ROBO2: variants seen among roughly 807,000 people sequenced by gnomAD.
ROBO2 encodes roundabout guidance receptor 2.
ROBO2 carries 53 observed loss-of-function variants against 160.8 expected under a neutral mutation model. That is an observed-to-expected ratio of 0.33 (90% confidence interval 0.26 to 0.41). ROBO2 has a LOEUF of 0.41. Among genes scored for constraint, ROBO2 ranks in the 10% least tolerant of loss-of-function variants. The pLI, the probability that ROBO2 is intolerant of heterozygous loss-of-function variation, is 1.00. For missense variants in ROBO2, 1,577 were observed against 1,722.4 expected, an observed-to-expected ratio of 0.92 and a Z score of 1.49; for synonymous variants, 664 against 611.7, an observed-to-expected ratio of 1.09 and a Z score of -1.26.
upstream of ROBO2, among the ~76,000 whole-genome samples, chr3:77,036,630 A>G (rs2149584657): frequency 6.6e-6 from 1 of 152,222 alleles, no homozygotes; most frequent in Admixed American, 6.5e-5. Flanking sequence ...ATATAGGCAC[A>G]TTTTGAATAT....
At chr3:76,934,697 A>G (rs1030513060) in intron 2 of ROBO2, among the ~76,000 whole-genome samples, 1 of 152,016 alleles carries the variant, frequency 6.6e-6, no homozygotes, top group African/African-American at 2.4e-5. Flanking sequence ...GCCGAGATAT[A>G]CCGCCACTGC....
intron 2 of ROBO2, among the ~76,000 whole-genome samples, chr3:75,964,583 A>G (rs903507713): frequency 2.0e-5 from 3 of 151,560 alleles, no homozygotes; most frequent in Non-Finnish European, 3.0e-5. Context: ...AATATTTTAT[A>G]TATTTTGTAT....
intron 2 of ROBO2, among the ~76,000 whole-genome samples, chr3:76,298,816 G>A (rs1161859106): frequency 1.3e-5 from 2 of 152,138 alleles, no homozygotes; most frequent in African/African-American, 2.4e-5. Flanking sequence ...GAAAGATTTA[G>A]TATCAAATTT....
intron 2 of ROBO2, among the ~76,000 whole-genome samples, chr3:76,947,650 CAT>C (rs1463827400): frequency 2.0e-5 from 3 of 151,290 alleles, no homozygotes; most frequent in Non-Finnish European, 4.4e-5. Flanking sequence ...CAATCGATGA[CAT>C]GTGACTGGTT....
At chr3:76,110,330 T>TAA (rs1381166625) in intron 2 of ROBO2, among the ~76,000 whole-genome samples, 2 of 152,014 alleles carry the variant, frequency 1.3e-5, no homozygotes, top group African/African-American at 2.4e-5. Context: ...TGGAGGCATA[T>TAA]AAAGTTAAGT....
At chr3:77,436,591 G>A (rs1224835463) in intron 2 of ROBO2, among the ~76,000 whole-genome samples, 1 of 151,794 alleles carries the variant, frequency 6.6e-6, no homozygotes, top group Non-Finnish European at 1.5e-5. Flanking sequence ...TGTCTGTGGG[G>A]ATTTTTGAAG....
In ROBO2 at chr3:77,491,078, T is replaced by C. The variant is rs527370443; in HGVS notation, c.668-2166T>C. 1.7e-3 allele frequency among the ~76,000 whole-genome samples: 264 copies of C among 152,308 alleles called. 2 individuals are homozygous for C. The highest frequency in any genetic ancestry group is 6.1e-3 in the African/African-American group (255 of 41,562). ...AGTCCTTGAGTGGTGAACAGGGCCT[T>C]CATGGTCTTATCACTCACTCTCTGT... is the stretch of plus-strand genomic sequence containing the variant. On this transcript the variant is annotated intron_variant, in intron 4 of 25. Transcript: ENST00000461745.
chr3:75,963,710 T>C (rs995376885), intron 2 of ROBO2, among the ~76,000 whole-genome samples: 3 of 151,664 alleles, frequency 2.0e-5, no homozygotes, highest in Non-Finnish European at 4.4e-5. Context: ...TTCTCACAGT[T>C]CTAGAGGCTG....
chr3:77,002,101 A>C, intron 2 of ROBO2, among the ~76,000 whole-genome samples: 1 of 152,072 alleles, frequency 6.6e-6, no homozygotes, highest in East Asian at 1.9e-4. Flanking sequence ...TTTTAAAATA[A>C]ATTTAACCTT....
At chr3:76,025,887 G>A (rs535293175) in intron 2 of ROBO2, among the ~76,000 whole-genome samples, 11 of 151,836 alleles carry the variant, frequency 7.2e-5, no homozygotes, top group African/African-American at 2.4e-4. Context: ...GCTAATGATG[G>A]CCAAATCCAT....
chr3:76,850,451 A>G (rs938817179), intron 2 of ROBO2, among the ~76,000 whole-genome samples: 3 of 152,152 alleles, frequency 2.0e-5, no homozygotes, highest in Non-Finnish European at 2.9e-5. Context: ...GCTTTGACCG[A>G]TGGAAGCGGA....
At chr3:77,410,635 CCTGCTCCTCTTT>C (rs2076676269) in intron 2 of ROBO2, among the ~76,000 whole-genome samples, 2 of 137,128 alleles carry the variant, frequency 1.5e-5, no homozygotes, top group African/African-American at 2.8e-5. Flanking sequence ...TCCTCTTCCT[CCTGCTCCTCTTT>C]CTCCTCCTCT....
At chr3:76,496,582 G>A (rs1411454517) in intron 2 of ROBO2, among the ~76,000 whole-genome samples, 2 of 152,122 alleles carry the variant, frequency 1.3e-5, no homozygotes, top group Non-Finnish European at 2.9e-5. Context: ...TCCCAGTGTG[G>A]ATCTCTAATA....
chr3:77,435,718 C>G (rs1438108879), intron 2 of ROBO2, among the ~76,000 whole-genome samples: 2 of 151,682 alleles, frequency 1.3e-5, no homozygotes, highest in African/African-American at 4.8e-5. Context: ...GTCTACAGAT[C>G]AATGTGTATG....
intron 2 of ROBO2, among the ~76,000 whole-genome samples, chr3:76,279,130 T>C (rs1177307415): frequency 1.3e-5 from 2 of 151,110 alleles, no homozygotes; most frequent in African/African-American, 4.9e-5. Flanking sequence ...ATATATTATA[T>C]ATATATATCT....
chr3:76,138,446 A>T (rs2071510678), intron 2 of ROBO2, among the ~76,000 whole-genome samples: 1 of 152,032 alleles, frequency 6.6e-6, no homozygotes, highest in Admixed American at 6.6e-5. Context: ...TTATAATATA[A>T]TATGAAATGG....
intron 2 of ROBO2, among the ~76,000 whole-genome samples, chr3:76,336,709 T>C (rs2073912095): frequency 1.3e-5 from 2 of 152,194 alleles, no homozygotes; most frequent in Non-Finnish European, 2.9e-5. Context: ...TTAGGCCATT[T>C]TGAGAGTTAA....
chr3:76,283,871 G>A (rs1249991861), intron 2 of ROBO2, among the ~76,000 whole-genome samples: 2 of 151,844 alleles, frequency 1.3e-5, no homozygotes, highest in African/African-American at 4.8e-5. Context: ...TATTACATGG[G>A]GTCTTCTCTA....
At chr3:76,660,698 A>G (rs997851716) in intron 2 of ROBO2, among the ~76,000 whole-genome samples, 7 of 152,260 alleles carry the variant, frequency 4.6e-5, no homozygotes, top group Middle Eastern at 3.4e-3. Flanking sequence ...TTCATTTTAG[A>G]ACATTAAGAG....
Sources: allele counts gnomAD v4.1 joint callset (sites outside exome capture counted in the v4.1 genomes callset), GRCh38; gene constraint gnomAD v4.1.1; transcripts MANE v1.5; gene names NCBI Gene and HGNC (gene_info 2026-07-23, HGNC 2026-07-21).